Variants in NXPE4 observed in about 807,000 individuals in gnomAD.
The protein encoded by NXPE4 is neurexophilin and PC-esterase domain family member 4.
Under a neutral mutation model 33.3 loss-of-function variants are expected in NXPE4, and 42 were observed. The observed-to-expected ratio is 1.26, with a 90% CI of 0.98 to 1.63. The LOEUF is 1.63. Ranked by LOEUF, NXPE4 falls within the 40% of genes most tolerant of loss-of-function variation. The pLI is 0.00. For synonymous variants in NXPE4, 253 were observed against 234.9 expected (o/e 1.08, Z -0.71); for missense variants, 709 against 647.6 (o/e 1.09, Z -1.03).
the NXPE4 span, among the ~76,000 whole-genome samples, chr11:114,604,250 T>C: frequency 6.6e-6 from 1 of 152,056 alleles, no homozygotes; most frequent in African/African-American, 2.4e-5. Flanking sequence ...AAGTGTTGAC[T>C]CTTGGGTAAC....
chr11:114,630,127 C>T, the NXPE4 span, among the ~76,000 whole-genome samples: 4 of 151,724 alleles, frequency 2.6e-5, no homozygotes, highest in Non-Finnish European at 5.9e-5. Context: ...ATGCTGTACC[C>T]ATCAAGCTAC....
chr11:114,667,056 T>C, the NXPE4 span, among the ~76,000 whole-genome samples: 1 of 152,134 alleles, frequency 6.6e-6, no homozygotes. Flanking sequence ...CTTGTATTCA[T>C]GCAACAAAAT....
At chr11:114,638,387 T>C in the NXPE4 span, among the ~76,000 whole-genome samples, 6 of 152,004 alleles carry the variant, frequency 3.9e-5, no homozygotes, top group Non-Finnish European at 8.8e-5. Context: ...TCAAAGTTTT[T>C]AACTTCTTTG....
the NXPE4 span, among the ~76,000 whole-genome samples, chr11:114,622,994 C>T: frequency 6.6e-6 from 1 of 151,948 alleles, no homozygotes; most frequent in East Asian, 1.9e-4. Flanking sequence ...ACCACGGTTA[C>T]CTGGTGGATA....
chr11:114,597,318 A>C (rs1949585025), upstream of NXPE4, among the ~76,000 whole-genome samples: 1 of 152,232 alleles, frequency 6.6e-6, no homozygotes, highest in Non-Finnish European at 1.5e-5. Context: ...ATTCAAATAT[A>C]TGAACAGTGA....
Position 114,571,086 on chromosome 11 carries a change from T to C in NXPE4, c.1487A>G (p.Tyr496Cys), listed in dbSNP as rs763060339. ...RFSDFHGYIQ[Y>C]LIIKDIFQDL... Reference sequence around the variant, plus strand: ...CTGGAAAATGTCCTTTATGATGAGATATTGAATGTAACCATGAAAGTCACT... The same window carrying C: ...CTGGAAAATGTCCTTTATGATGAGACATTGAATGTAACCATGAAAGTCACT... The change falls in exon 6 of 6, where the codon TAT (tyrosine) becomes TGT (cysteine). Residue 496 changes from tyrosine (Y) to cysteine (C), a missense_variant. Physicochemically the swap from Tyr to Cys is radical, Grantham distance 194. Coordinates refer to ENST00000375478, the MANE Select transcript of NXPE4 (RefSeq NM_001077639.2). 6.2e-7 allele frequency: 1 copy of C among 1,614,006 alleles called. No homozygotes were observed. The highest frequency in any genetic ancestry group is 8.5e-7 in the Non-Finnish European group (1 of 1,179,900).
chr11:114,647,677 T>G, the NXPE4 span, among the ~76,000 whole-genome samples: 1 of 151,960 alleles, frequency 6.6e-6, no homozygotes. Context: ...TTTCTCTCAA[T>G]CAGTATTTGG....
At chr11:114,623,027 C>T in the NXPE4 span, among the ~76,000 whole-genome samples, 3 of 152,042 alleles carry the variant, frequency 2.0e-5, no homozygotes, top group Non-Finnish European at 4.4e-5. Context: ...TTGCGGGAAA[C>T]CCCTGTTACC....
the NXPE4 span, among the ~76,000 whole-genome samples, chr11:114,648,022 T>C: frequency 0.092 from 14,006 of 152,194 alleles, 767 homozygotes; most frequent in Middle Eastern, 0.2. Context: ...TTTTAAGAAC[T>C]AGATTTTAGT....
chr11:114,622,439 G>A, the NXPE4 span, among the ~76,000 whole-genome samples: 310 of 152,044 alleles, frequency 2.0e-3, 2 homozygotes, highest in African/African-American at 5.6e-3. Context: ...TGCCTTCTGC[G>A]TAACCACTGT....
the NXPE4 span, among the ~76,000 whole-genome samples, chr11:114,610,881 A>G: frequency 4.0e-5 from 6 of 150,608 alleles, no homozygotes; most frequent in Non-Finnish European, 7.4e-5. Flanking sequence ...GAAAATAAGC[A>G]TTGTCTCATG....
At chr11:114,643,249 T>C in the NXPE4 span, among the ~76,000 whole-genome samples, 1 of 152,116 alleles carries the variant, frequency 6.6e-6, no homozygotes, top group African/African-American at 2.4e-5. Context: ...GTGCAGAAGC[T>C]TTTTAGTTTA....
chr11:114,583,975 C>A, intron 2 of NXPE4: 1 of 375,120 alleles, frequency 2.7e-6, no homozygotes, highest in Non-Finnish European at 5.2e-6. Flanking sequence ...AGGCCATTTT[C>A]AAACTGGTCA....
At chr11:114,663,331 TGTAGCCTGCCAA>T in the NXPE4 span, among the ~76,000 whole-genome samples, 1 of 152,188 alleles carries the variant, frequency 6.6e-6, no homozygotes, top group South Asian at 2.1e-4. Flanking sequence ...AGGCTGCTCT[TGTAGCCTGCCAA>T]TGTCTGGATT....
At chr11:114,626,219 G>T in the NXPE4 span, among the ~76,000 whole-genome samples, 6 of 152,176 alleles carry the variant, frequency 3.9e-5, no homozygotes, top group African/African-American at 1.2e-4. Context: ...CACCTCTGGG[G>T]GCAGGGCACA....
the NXPE4 span, among the ~76,000 whole-genome samples, chr11:114,638,323 T>A: frequency 6.6e-6 from 1 of 152,062 alleles, no homozygotes; most frequent in Non-Finnish European, 1.5e-5. Flanking sequence ...ATCAGCTCCT[T>A]TAAGCACTTC....
the NXPE4 span, among the ~76,000 whole-genome samples, chr11:114,638,871 C>T: frequency 6.6e-5 from 10 of 151,726 alleles, no homozygotes; most frequent in African/African-American, 2.2e-4. Context: ...TCAGTCTGCC[C>T]CTACTGGGGG....
the NXPE4 span, among the ~76,000 whole-genome samples, chr11:114,653,444 A>T: frequency 3.9e-5 from 6 of 151,972 alleles, no homozygotes; most frequent in Non-Finnish European, 8.8e-5. Context: ...TGCCTCCAGA[A>T]GGCAGCTTTG....
chr11:114,576,214 A>C (rs1948991118), intron 5 of NXPE4, among the ~76,000 whole-genome samples: 1 of 152,174 alleles, frequency 6.6e-6, no homozygotes, highest in South Asian at 2.1e-4. Flanking sequence ...GATGGATCAA[A>C]GACTTAAATT....
Sources: allele counts gnomAD v4.1 joint callset (sites outside exome capture counted in the v4.1 genomes callset), GRCh38; gene constraint gnomAD v4.1.1; transcripts MANE v1.5; gene names NCBI Gene and HGNC (gene_info 2026-07-23, HGNC 2026-07-21).